The following WNK2 variants were observed in gnomAD, a reference collection of about 807,000 sequenced individuals.
WNK2 encodes the protein WNK lysine deficient protein kinase 2, also known as serine/threonine-protein kinase WNK2.
WNK2 carries 67 observed loss-of-function variants against 192.1 expected under a neutral mutation model. The observed-to-expected ratio is 0.35, with a 90% CI of 0.29 to 0.43. The LOEUF (loss-of-function observed/expected upper bound fraction) is 0.43, where lower values mean the gene tolerates loss of function less well. Among genes scored for constraint, WNK2 ranks in the 20% least tolerant of loss-of-function variants. The pLI, the probability that WNK2 is intolerant of heterozygous loss-of-function variation, is 1.00. For synonymous variants in WNK2, 1,439 were observed against 1,393.9 expected (o/e 1.03, Z -0.72); for missense variants, 2,698 against 3,089.7 (o/e 0.87, Z 3.01).
At position 93,239,787 on chromosome 9, in the gene WNK2, C is replaced by T; in HGVS notation, c.1353C>T (p.Ala451=). 1 of 1,567,066 alleles carries T rather than the reference C, an allele frequency of 6.4e-7. No homozygotes were observed. The highest frequency in any genetic ancestry group is 1.7e-4 in the Middle Eastern group (1 of 6,008). Residue 451 remains alanine (A), a synonymous_variant, in exon 7 of 30, where the codon GCC becomes GCT. Coordinates refer to ENST00000427277, the MANE Select transcript of WNK2 (RefSeq NM_006648.4). This position sits in a 1 kb window ranked among gnomAD's most constrained non-coding sequence, Gnocchi z 4.2. ...RYEIKDLLSH[A]FFAEDTGVRV... ...AGATCAAAGACCTGCTGAGCCACGC[C>T]TTCTTCGCAGAGGACACAGGCGTGA...
intron 7 of WNK2, among the ~76,000 whole-genome samples, chr9:93,242,546 C>T (rs530074612): frequency 6.6e-6 from 1 of 152,358 alleles, no homozygotes; most frequent in African/African-American, 2.4e-5. Flanking sequence ...TACAGCTGTC[C>T]GTTCACACAT....
intron 7 of WNK2, among the ~76,000 whole-genome samples, chr9:93,245,421 G>A (rs923059386): frequency 5.9e-5 from 9 of 152,214 alleles, no homozygotes; most frequent in African/African-American, 2.2e-4. Flanking sequence ...CTCGGGACGG[G>A]CTCAGGTGGC....
chr9:93,196,624 A>G (rs1226928742), intron 2 of WNK2, among the ~76,000 whole-genome samples: 1 of 152,166 alleles, frequency 6.6e-6, no homozygotes, highest in African/African-American at 2.4e-5. Context: ...ATTTTAATCC[A>G]TAAAGAGAAA....
At position 93,218,436 on chromosome 9, in the gene WNK2, G is replaced by A. The variant is rs938262014; in HGVS notation, c.682-11260G>A. Among the ~76,000 whole-genome samples, 8 of 152,150 alleles carry A rather than the reference G, an allele frequency of 5.3e-5. No individual in the cohort carries two copies. The East Asian group carries it at 1.5e-3, about 29-fold the overall frequency. ...AGGGGTGGCCGCCTGGCCTGTGCCCGCCGGGCTCCCAGTTACCTTGGGTGA... is the reference window on the plus strand; with the variant it reads ...AGGGGTGGCCGCCTGGCCTGTGCCCACCGGGCTCCCAGTTACCTTGGGTGA... On this transcript the variant is annotated intron_variant, in intron 2 of 29. Coordinates refer to ENST00000427277, the MANE Select transcript of WNK2 (RefSeq NM_006648.4).
chr9:93,283,299 TAAG>T (rs1282971246), intron 19 of WNK2, among the ~76,000 whole-genome samples: 3 of 152,042 alleles, frequency 2.0e-5, no homozygotes, highest in Non-Finnish European at 1.5e-5. Flanking sequence ...GTAAAATAGA[TAAG>T]AACATAAATT....
At position 93,259,837 on chromosome 9, in the gene WNK2, G is replaced by A. The variant is rs960919485; in HGVS notation, c.3066+223G>A. Among the ~76,000 whole-genome samples the A allele has an allele frequency of 6.6e-6, 1 of 152,222 alleles. No homozygotes were observed. The highest frequency in any genetic ancestry group is 6.5e-5 in the Admixed American group (1 of 15,290). ...TGGGTCAGGAGATGCAGGAGTCCGTGCCTGATAGGTTCTGTGTCCCTACCT... is the reference window on the plus strand; with the variant it reads ...TGGGTCAGGAGATGCAGGAGTCCGTACCTGATAGGTTCTGTGTCCCTACCT... On this transcript the variant is annotated intron_variant, in intron 12 of 29. Transcript: ENST00000427277. The surrounding 1 kb of genome is among the most constrained non-coding windows in gnomAD (Gnocchi z 4.8).
At chr9:93,294,062 G>A (rs932239233) in intron 23 of WNK2, among the ~76,000 whole-genome samples, 6 of 152,110 alleles carry the variant, frequency 3.9e-5, no homozygotes, top group Non-Finnish European at 2.9e-5. Flanking sequence ...GATGTCCTTC[G>A]GGATGGGAGG....
intron 2 of WNK2, among the ~76,000 whole-genome samples, chr9:93,211,510 C>A (rs963763128): frequency 7.1e-6 from 1 of 141,710 alleles, no homozygotes. Context: ...ATTCACTCAT[C>A]CACTCACTCA....
chr9:93,300,962 T>A (rs886982188), intron 26 of WNK2, among the ~76,000 whole-genome samples: 3 of 152,232 alleles, frequency 2.0e-5, no homozygotes, highest in Non-Finnish European at 4.4e-5. Context: ...GGGAGCACTT[T>A]ACTTGCTGTA....
intron 20 of WNK2, 108 bp from the exon 21 acceptor site, chr9:93,289,870 G>A: frequency 1.7e-6 from 2 of 1,159,564 alleles, no homozygotes; most frequent in Non-Finnish European, 2.4e-6. Context: ...AGGGGCTGGG[G>A]CAGCCCAGGG....
rs1257172140 is a variant in WNK2, at chr9:93,229,810, A to C, written c.796A>C (p.Lys266Gln). Residue 266 changes from lysine (K) to glutamine (Q), a missense_variant, in exon 3 of 30, where the codon AAG (lysine) becomes CAG (glutamine). Transcript: ENST00000427277. This position sits in a 1 kb window ranked among gnomAD's most constrained non-coding sequence, Gnocchi z 4.9. ...CTACGACTTCTGGGAGTCCAGCGCCAAGGGCAAGCGGTGCATTGTGCTGGT... is the reference window on the plus strand; with the variant it reads ...CTACGACTTCTGGGAGTCCAGCGCCCAGGGCAAGCGGTGCATTGTGCTGGT... ...RFYDFWESSA[K>Q]GKRCIVLVTE... The C allele has an allele frequency of 6.2e-7, 1 of 1,613,856 alleles. No homozygotes were observed. The highest frequency in any genetic ancestry group is 8.5e-7 in the Non-Finnish European group (1 of 1,179,880).
At chr9:93,193,348 G>A (rs1265052205) in intron 2 of WNK2, among the ~76,000 whole-genome samples, 1 of 152,162 alleles carries the variant, frequency 6.6e-6, no homozygotes, top group Non-Finnish European at 1.5e-5. Flanking sequence ...GGGCTCTATT[G>A]AGAGAAATGT....
chr9:93,300,208 C>A (rs1275394657), intron 26 of WNK2, 59 bp downstream of exon 26: 8 of 1,371,836 alleles, frequency 5.8e-6, no homozygotes, highest in Non-Finnish European at 8.3e-6. Flanking sequence ...CTCCCCCCAC[C>A]CCCTCCCTGT....
chr9:93,294,717 A>G (rs1849962479), intron 23 of WNK2, among the ~76,000 whole-genome samples: 1 of 152,002 alleles, frequency 6.6e-6, no homozygotes, highest in East Asian at 1.9e-4. Context: ...GAGGGTAGAG[A>G]TAATGGGGTG....
At position 93,257,166 on chromosome 9, in the gene WNK2, A is replaced by G; in HGVS notation, c.2382+27A>G. Reference sequence around the variant, plus strand: ...TAATTCTAGGTTGATGGCTGCCGTCAGTGGTGGCGCACGCTTTGCCAGGCC... The same window carrying G: ...TAATTCTAGGTTGATGGCTGCCGTCGGTGGTGGCGCACGCTTTGCCAGGCC... On this transcript the variant is annotated intron_variant, in intron 11 of 29. Coordinates refer to ENST00000427277, the MANE Select transcript of WNK2 (RefSeq NM_006648.4). The surrounding 1 kb of genome is among the most constrained non-coding windows in gnomAD (Gnocchi z 4.7). The G allele has an allele frequency of 6.3e-7, 1 of 1,593,288 alleles. No homozygotes were observed. The highest frequency in any genetic ancestry group is 8.5e-7 in the Non-Finnish European group (1 of 1,175,378).
At chr9:93,202,064 T>C (rs1832469129) in intron 2 of WNK2, among the ~76,000 whole-genome samples, 1 of 152,186 alleles carries the variant, frequency 6.6e-6, no homozygotes, top group Non-Finnish European at 1.5e-5. Flanking sequence ...TCTCACACTC[T>C]GATGCTACCT....
rs561768961 is a variant in WNK2, at chr9:93,185,192, G to T, written c.263G>T (p.Arg88Leu). ...AAGACGCGCCGCCTCATCGCGGAGC[G>T]CGCCCGCGGACGCCCCGCCGCCCCC... ...LCKTRRLIAE[R>L]ARGRPAAPAP... The change falls in exon 2 of 30, where the codon CGC (arginine) becomes CTC (leucine). Residue 88 changes from arginine (R) to leucine (L), a missense_variant. Around this residue, in one of 7 missense-constraint regions of WNK2, gnomAD observed 260 missense variants for 285.6 expected, o/e 0.91. Transcript: ENST00000427277. 168 of 1,171,546 alleles carry T rather than the reference G, an allele frequency of 1.4e-4. 2 individuals are homozygous for T. The African/African-American group carries it at 2.5e-3, about 18-fold the overall frequency. 72.6% of individuals were successfully genotyped at this position (1,171,546 alleles called of 1,614,324 possible).
intron 23 of WNK2, among the ~76,000 whole-genome samples, chr9:93,297,164 C>T (rs1850729209): frequency 6.7e-6 from 1 of 149,708 alleles, no homozygotes; most frequent in Non-Finnish European, 1.5e-5. Context: ...CCATCCTCCC[C>T]TTCCCATCCT....
chr9:93,255,954 A>G (rs1022357346), intron 9 of WNK2, among the ~76,000 whole-genome samples: 1 of 152,134 alleles, frequency 6.6e-6, no homozygotes, highest in Non-Finnish European at 1.5e-5. Flanking sequence ...TTCATCTTAC[A>G]TGGTCACAGT....
Sources: gnomAD v4.1 joint callset for allele counts (sites outside exome capture counted in the v4.1 genomes callset) on GRCh38, gnomAD v4.1.1 for gene constraint, gnomAD v4.1.1 regional missense constraint, Gnocchi (gnomAD v3.1) non-coding constraint, MANE v1.5 for transcripts, NCBI Gene and HGNC (gene_info 2026-07-23, HGNC 2026-07-21) for gene names.